Variants in MTCL2 observed in about 807,000 individuals in gnomAD.
The protein encoded by MTCL2 is microtubule cross-linking factor 2.
chr20:36,811,536 T>A, the MTCL2 span, among the ~76,000 whole-genome samples: 712 of 151,818 alleles, frequency 4.7e-3, 3 homozygotes, highest in African/African-American at 0.016. Context: ...GGGCTGAGGC[T>A]CGAGATTCGC....
chr20:36,820,417 C>G, the MTCL2 span, among the ~76,000 whole-genome samples: 1 of 152,212 alleles, frequency 6.6e-6, no homozygotes, highest in Admixed American at 6.5e-5. Flanking sequence ...TAAAGTCTCT[C>G]AGACACTCTG....
the MTCL2 span, chr20:36,793,841 A>G: frequency 6.5e-7 from 1 of 1,545,396 alleles, no homozygotes; most frequent in South Asian, 1.2e-5. The surrounding 1 kb of genome is among the most constrained non-coding windows in gnomAD (Gnocchi z 6.8). Context: ...CTTGCTGCGC[A>G]CAGACACGAG....
chr20:36,826,809 G>A, the MTCL2 span, among the ~76,000 whole-genome samples: 2 of 152,238 alleles, frequency 1.3e-5, no homozygotes, highest in African/African-American at 2.4e-5. Flanking sequence ...CTATGAACAC[G>A]GGTGTGTAAA....
At chr20:36,821,156 AG>A in the MTCL2 span, among the ~76,000 whole-genome samples, 1 of 152,236 alleles carries the variant, frequency 6.6e-6, no homozygotes, top group Non-Finnish European at 1.5e-5. Flanking sequence ...GAGGTATGCT[AG>A]GCATGCATCT....
chr20:36,863,147 GAACGCGGCGCTGCAGGC>G, the MTCL2 span: 1 of 1,387,856 alleles, frequency 7.2e-7, no homozygotes, highest in Admixed American at 2.6e-5. This position sits in a 1 kb window ranked among gnomAD's most constrained non-coding sequence, Gnocchi z 6.2. Flanking sequence ...GCCGTGAGGA[GAACGCGGCGCTGCAGGC>G]GACTGCTGAG....
the MTCL2 span, among the ~76,000 whole-genome samples, chr20:36,824,943 C>CTTT: frequency 1.4e-5 from 2 of 141,690 alleles, no homozygotes; most frequent in South Asian, 2.3e-4. Context: ...GAATTGTACA[C>CTTT]TTTTTTTTTT....
the MTCL2 span, among the ~76,000 whole-genome samples, chr20:36,847,876 G>C: frequency 1.4e-5 from 2 of 146,222 alleles, no homozygotes; most frequent in Non-Finnish European, 3.0e-5. Context: ...AAAAAAAAGA[G>C]TATAGCTTCT....
chr20:36,810,717 C>CCTCCCTCTCTCT, the MTCL2 span, among the ~76,000 whole-genome samples: 7 of 94,194 alleles, frequency 7.4e-5, no homozygotes, highest in Non-Finnish European at 1.3e-4. Flanking sequence ...TCTCTCTCTC[C>CCTCCCTCTCTCT]CTCTCTCTCT....
the MTCL2 span, among the ~76,000 whole-genome samples, chr20:36,794,992 G>A: frequency 1.3e-5 from 2 of 151,496 alleles, no homozygotes; most frequent in African/African-American, 2.4e-5. The surrounding 1 kb of genome is among the most constrained non-coding windows in gnomAD (Gnocchi z 5.4). Flanking sequence ...AGGCTGGAGT[G>A]CAGTGGCATG....
At chr20:36,839,176 G>T in the MTCL2 span, 9 of 1,555,254 alleles carry the variant, frequency 5.8e-6, no homozygotes, top group Non-Finnish European at 7.8e-6. The surrounding 1 kb of genome is among the most constrained non-coding windows in gnomAD (Gnocchi z 5.1). Context: ...TTAGACTTGT[G>T]GTCCCATCCC....
chr20:36,819,013 T>A, the MTCL2 span, among the ~76,000 whole-genome samples: 1 of 152,196 alleles, frequency 6.6e-6, no homozygotes. Flanking sequence ...TTCTCACCTA[T>A]CAGATTGGCA....
chr20:36,828,107 C>G, the MTCL2 span, among the ~76,000 whole-genome samples: 2 of 152,312 alleles, frequency 1.3e-5, no homozygotes, highest in South Asian at 4.1e-4. Context: ...GCGCCTGCAG[C>G]GAGGAGTGTG....
At chr20:36,790,013 A>T in the MTCL2 span, among the ~76,000 whole-genome samples, 5 of 127,846 alleles carry the variant, frequency 3.9e-5, no homozygotes, top group Non-Finnish European at 7.9e-5. Flanking sequence ...TTTTTTTGAG[A>T]TGGAGTCTCG....
At chr20:36,856,920 GGCAAAT>G in the MTCL2 span, among the ~76,000 whole-genome samples, 1 of 152,152 alleles carries the variant, frequency 6.6e-6, no homozygotes, top group East Asian at 1.9e-4. Flanking sequence ...GGCTCCTGTG[GGCAAAT>G]GCTACATGCC....
At chr20:36,830,940 G>A in the MTCL2 span, among the ~76,000 whole-genome samples, 1 of 152,198 alleles carries the variant, frequency 6.6e-6, no homozygotes, top group African/African-American at 2.4e-5. Context: ...AGTTGTCTGG[G>A]ATGTAGAACA....
At chr20:36,799,450 C>T in the MTCL2 span, among the ~76,000 whole-genome samples, 1 of 151,878 alleles carries the variant, frequency 6.6e-6, no homozygotes, top group East Asian at 1.9e-4. Context: ...CAAGATCGCG[C>T]CATTGCACTC....
the MTCL2 span, chr20:36,863,057 ACGGACCCCGGTG>A: frequency 1.0e-4 from 145 of 1,410,076 alleles, no homozygotes; most frequent in African/African-American, 3.6e-4. This position sits in a 1 kb window ranked among gnomAD's most constrained non-coding sequence, Gnocchi z 6.2. Context: ...GGCCCTTGGC[ACGGACCCCGGTG>A]CGGACCCCGG....
the MTCL2 span, among the ~76,000 whole-genome samples, chr20:36,806,191 G>A: frequency 4.6e-5 from 7 of 152,140 alleles, no homozygotes; most frequent in Non-Finnish European, 8.8e-5. Context: ...AAGGCCACAC[G>A]CACTCCCACA....
chr20:36,845,987 A>G, the MTCL2 span, among the ~76,000 whole-genome samples: 1 of 152,180 alleles, frequency 6.6e-6, no homozygotes, highest in Non-Finnish European at 1.5e-5. Context: ...CACTGGACTC[A>G]GTAGGCCTCG....
Sources: gnomAD v4.1 joint callset for allele counts (sites outside exome capture counted in the v4.1 genomes callset) on GRCh38, gnomAD v4.1.1 for gene constraint, Gnocchi (gnomAD v3.1) non-coding constraint, MANE v1.5 for transcripts, NCBI Gene and HGNC (gene_info 2026-07-23, HGNC 2026-07-21) for gene names.